The following FRMD4A variants were observed in gnomAD, a reference collection of about 807,000 sequenced individuals.
The protein encoded by FRMD4A is FERM domain containing 4A.
FRMD4A carries 29 observed loss-of-function variants against 129.1 expected under a neutral mutation model. That is an observed-to-expected ratio of 0.22 (90% confidence interval 0.17 to 0.31). The LOEUF (loss-of-function observed/expected upper bound fraction) is 0.31, where lower values mean the gene tolerates loss of function less well. FRMD4A is among the 10% of genes least tolerant of loss of function. The probability of loss-of-function intolerance (pLI) is 1.00; values close to 1 mark genes in which losing one functional copy is unlikely to be tolerated. For synonymous variants in FRMD4A, 634 were observed against 571.6 expected, an observed-to-expected ratio of 1.11 and a Z score of -1.56; for missense variants, 1,272 against 1,375.8, an observed-to-expected ratio of 0.92 and a Z score of 1.19.
chr10:13,807,943 C>T (rs1588840630), intron 4 of FRMD4A, among the ~76,000 whole-genome samples: 1 of 152,186 alleles, frequency 6.6e-6, no homozygotes, highest in East Asian at 1.9e-4. Context: ...GGATTATGGG[C>T]ACATGCCACC....
intron 2 of FRMD4A, among the ~76,000 whole-genome samples, chr10:14,019,639 CAT>C (rs1832639681): frequency 6.6e-6 from 1 of 152,130 alleles, no homozygotes; most frequent in South Asian, 2.1e-4. Flanking sequence ...GCCATGTACA[CAT>C]ATTATTTTGA....
intron 2 of FRMD4A, among the ~76,000 whole-genome samples, chr10:14,034,311 G>A (rs1427708963): frequency 6.6e-6 from 1 of 152,176 alleles, no homozygotes; most frequent in Non-Finnish European, 1.5e-5. Context: ...GGTGAGGGCA[G>A]GTCTCGGGGT....
Position 14,160,776 on chromosome 10 carries a change from G to A in FRMD4A, c.45+169282C>T, listed in dbSNP as rs575131064. Among the ~76,000 whole-genome samples, 16 of 152,198 alleles carry A rather than the reference G, an allele frequency of 1.1e-4. 1 individual carries two copies. The highest frequency in any genetic ancestry group is 1.0e-3 in the South Asian group (5 of 4,816). On this transcript the variant is annotated intron_variant, in intron 2 of 24. Coordinates refer to ENST00000357447, the MANE Select transcript of FRMD4A (RefSeq NM_018027.5). ...AAACAAATGGGAACACAAGCTCTCC[G>A]GAAGCCAGAACATTCTGGATATTCG...
chr10:13,707,985 T>C, intron 12 of FRMD4A: 4 of 637,332 alleles, frequency 6.3e-6, no homozygotes, highest in Non-Finnish European at 5.9e-6. Context: ...AAAAGAAAGT[T>C]ACTTTAACCC....
intron 3 of FRMD4A, among the ~76,000 whole-genome samples, chr10:13,838,149 C>T (rs1386403819): frequency 2.6e-5 from 4 of 151,894 alleles, no homozygotes; most frequent in South Asian, 2.1e-4. Flanking sequence ...AGTGCAGTGG[C>T]GTGATCATAG....
At chr10:14,294,557 C>T (rs1475548756) in intron 2 of FRMD4A, among the ~76,000 whole-genome samples, 1 of 152,120 alleles carries the variant, frequency 6.6e-6, no homozygotes, top group African/African-American at 2.4e-5. Flanking sequence ...CCGATTCAGG[C>T]AGATTCAAAT....
intron 2 of FRMD4A, among the ~76,000 whole-genome samples, chr10:14,226,770 C>A (rs1175574423): frequency 6.6e-6 from 1 of 152,190 alleles, no homozygotes; most frequent in Non-Finnish European, 1.5e-5. Flanking sequence ...GGCTCCACCT[C>A]ACGAGGGTCT....
At chr10:13,965,218 C>A (rs1273225830) in intron 2 of FRMD4A, among the ~76,000 whole-genome samples, 2 of 152,090 alleles carry the variant, frequency 1.3e-5, no homozygotes, top group African/African-American at 2.4e-5. Context: ...CCAGCAAGAA[C>A]CCTCACCCTT....
chr10:13,875,382 T>A (rs2094478237), intron 2 of FRMD4A, among the ~76,000 whole-genome samples: 1 of 152,170 alleles, frequency 6.6e-6, no homozygotes, highest in African/African-American at 2.4e-5. Flanking sequence ...AAAGTAGAAC[T>A]TGTCTTCCTC....
chr10:13,921,530 GAATT>G (rs1460118145), intron 2 of FRMD4A, among the ~76,000 whole-genome samples: 4 of 152,182 alleles, frequency 2.6e-5, no homozygotes, highest in Admixed American at 2.0e-4. Context: ...CGAAGTGTTG[GAATT>G]ATAGGCATGA....
intron 2 of FRMD4A, among the ~76,000 whole-genome samples, chr10:14,306,861 A>C (rs902303477): frequency 2.0e-5 from 3 of 152,210 alleles, no homozygotes; most frequent in African/African-American, 7.2e-5. Flanking sequence ...GAAACTCTGA[A>C]ACTAAAGCAA....
At chr10:13,907,948 C>T (rs2094899474) in intron 2 of FRMD4A, among the ~76,000 whole-genome samples, 1 of 151,320 alleles carries the variant, frequency 6.6e-6, no homozygotes, top group Non-Finnish European at 1.5e-5. Context: ...GGCGGATCAC[C>T]TGAGGTCAGG....
intron 2 of FRMD4A, among the ~76,000 whole-genome samples, chr10:14,125,370 C>T (rs1320538559): frequency 6.6e-6 from 1 of 152,152 alleles, no homozygotes; most frequent in Admixed American, 6.5e-5. Context: ...CCCTGCCCTC[C>T]TGAGTAGTAC....
chr10:14,307,053 A>G (rs993873399), intron 2 of FRMD4A, among the ~76,000 whole-genome samples: 6 of 152,250 alleles, frequency 3.9e-5, no homozygotes, highest in Admixed American at 6.5e-5. Flanking sequence ...CATTGATGAC[A>G]GGCAAATGCT....
intron 8 of FRMD4A, among the ~76,000 whole-genome samples, chr10:13,752,185 C>T (rs1346360504): frequency 6.6e-6 from 1 of 152,182 alleles, no homozygotes; most frequent in Non-Finnish European, 1.5e-5. Context: ...GGTATCAATG[C>T]TGTATTGGTC....
At chr10:14,182,299 G>A (rs991760672) in intron 2 of FRMD4A, among the ~76,000 whole-genome samples, 13 of 152,144 alleles carry the variant, frequency 8.5e-5, no homozygotes, top group Admixed American at 2.6e-4. Context: ...CAGTGCTTTC[G>A]GAGGCTCAGG....
At chr10:13,665,989 C>A (rs1039446516) in intron 18 of FRMD4A, 108 bp downstream of exon 18, 3 of 703,820 alleles carry the variant, frequency 4.3e-6, no homozygotes, top group Non-Finnish European at 5.1e-6. Flanking sequence ...AGGCAGCGGA[C>A]AGTTAGGCAG....
At chr10:13,818,073 G>A (rs74121701) in intron 3 of FRMD4A, among the ~76,000 whole-genome samples, 2,999 of 152,218 alleles carry the variant, frequency 0.02, 101 homozygotes, top group African/African-American at 0.067. Context: ...GACAAATTAC[G>A]CAAGCTCTCT....
intron 2 of FRMD4A, among the ~76,000 whole-genome samples, chr10:14,233,392 A>G (rs888780143): frequency 2.3e-4 from 32 of 137,462 alleles, no homozygotes; most frequent in African/African-American, 8.4e-4. Flanking sequence ...CAACATGGTG[A>G]AACCCCATCT....
Sources: allele counts gnomAD v4.1 joint callset (sites outside exome capture counted in the v4.1 genomes callset), GRCh38; gene constraint gnomAD v4.1.1; transcripts MANE v1.5; gene names NCBI Gene and HGNC (gene_info 2026-07-23, HGNC 2026-07-21).